Variants in ZC3H12C observed in about 807,000 individuals in gnomAD.
ZC3H12C encodes zinc finger CCCH-type containing 12C.
ZC3H12C carries 20 observed loss-of-function variants against 76.3 expected under a neutral mutation model. That is an observed-to-expected ratio of 0.26 (90% CI 0.18 to 0.38). ZC3H12C has a LOEUF of 0.38. Among genes scored for constraint, ZC3H12C ranks in the 10% least tolerant of loss-of-function variants. The pLI, the probability that ZC3H12C is intolerant of heterozygous loss-of-function variation, is 1.00. For synonymous variants in ZC3H12C, 352 were observed against 399.6 expected, an observed-to-expected ratio of 0.88 and a Z score of 1.42; for missense variants, 874 against 1,086.5, an observed-to-expected ratio of 0.80 and a Z score of 2.75.
chr11:110,122,051 T>G (rs1412988179), intron 1 of ZC3H12C, among the ~76,000 whole-genome samples: 1 of 152,240 alleles, frequency 6.6e-6, no homozygotes, highest in African/African-American at 2.4e-5. Context: ...AGTTTTTAAT[T>G]AGTTTCCTAA....
intron 1 of ZC3H12C, among the ~76,000 whole-genome samples, chr11:110,123,008 T>C (rs1283881081): frequency 6.6e-6 from 1 of 152,236 alleles, no homozygotes; most frequent in Non-Finnish European, 1.5e-5. Flanking sequence ...GTAGATTTTC[T>C]TATACTGCTC....
intron 1 of ZC3H12C, among the ~76,000 whole-genome samples, chr11:110,123,558 G>A (rs647285): frequency 0.71 from 107,767 of 152,062 alleles, 38,490 homozygotes; most frequent in East Asian, 0.89. Flanking sequence ...TGATGACATA[G>A]GACGGAAAGA....
At chr11:110,154,812 C>A (rs1018295753) in intron 3 of ZC3H12C, among the ~76,000 whole-genome samples, 1 of 93,056 alleles carries the variant, frequency 1.1e-5, no homozygotes, top group Admixed American at 1.5e-4. Flanking sequence ...GCCCTTAATA[C>A]AAAGAGCTCA....
chr11:110,128,582 ACTGT>A (rs1489341658), intron 1 of ZC3H12C, among the ~76,000 whole-genome samples: 1 of 152,156 alleles, frequency 6.6e-6, no homozygotes, highest in Admixed American at 6.6e-5. Context: ...AAAAAAGAAG[ACTGT>A]CTATTCATAC....
rs1215218047 is a variant in ZC3H12C at position 110,168,359 on chromosome 11, T to TAGAA, written c.*2623_*2626dup. 2.0e-5 allele frequency: 3 copies of TAGAA among 152,152 alleles called. No homozygotes were observed. In the East Asian group the frequency reaches 5.8e-4, roughly 29 times the overall value. 9.4% of individuals were successfully genotyped at this position (152,152 alleles called of 1,614,324 possible). A position where few individuals can be genotyped will look rare whatever the true frequency, so the allele number is the denominator to read the frequency against. On this transcript the variant is annotated 3_prime_UTR_variant, in exon 6 of 6. Transcript: ENST00000278590. ...AGCACCGATGTTGCGTTCAGAGCTG[T>TAGAA]AGAATGAGATAATTGGCAGACTTTA...
chr11:110,119,922 T>C (rs1490142791), intron 1 of ZC3H12C, among the ~76,000 whole-genome samples: 1 of 152,228 alleles, frequency 6.6e-6, no homozygotes, highest in East Asian at 1.9e-4. Context: ...GTTTCCAATA[T>C]ATGAATTTTG....
chr11:110,093,850 T>C (rs1861062371), intron 1 of ZC3H12C, among the ~76,000 whole-genome samples: 2 of 151,916 alleles, frequency 1.3e-5, no homozygotes, highest in Non-Finnish European at 2.9e-5. Flanking sequence ...CGCGCGCTCG[T>C]GGGGCGAGAC....
In ZC3H12C at chr11:110,171,253, T is replaced by C. The variant is rs1278548371; in HGVS notation, c.*5516T>C. On this transcript the variant is annotated 3_prime_UTR_variant, in exon 6 of 6. Coordinates refer to ENST00000278590, the MANE Select transcript of ZC3H12C (RefSeq NM_033390.2). ...CAGTTTTTTTGAAATTAGAAATTTC[T>C]TACCTTATGTGAAATATTCACAAAC... 1.3e-5 allele frequency: 2 copies of C among 152,252 alleles called. No homozygotes were observed. Among genetic ancestry groups the C allele is most frequent in the African/African-American group, 4.8e-5 (2 of 41,466 alleles). 9.4% of individuals were successfully genotyped at this position (152,252 alleles called of 1,614,324 possible). A position where few individuals can be genotyped will look rare whatever the true frequency, so the allele number is the denominator to read the frequency against.
chr11:110,134,644 T>A (rs1263973719), intron 1 of ZC3H12C, among the ~76,000 whole-genome samples: 1 of 152,180 alleles, frequency 6.6e-6, no homozygotes, highest in Non-Finnish European at 1.5e-5. Flanking sequence ...AAAATTGAAG[T>A]GGATACAACT....
intron 1 of ZC3H12C, among the ~76,000 whole-genome samples, chr11:110,123,107 C>T (rs548727062): frequency 8.0e-4 from 121 of 152,192 alleles, no homozygotes; most frequent in Non-Finnish European, 1.3e-3. Flanking sequence ...ATTTTCAGAC[C>T]ATAGTTGACT....
chr11:110,137,180 A>C lies in ZC3H12C; in HGVS notation c.539A>C (p.Gln180Pro). The C allele has an allele frequency of 6.2e-7, 1 of 1,613,924 alleles. No individual in the cohort carries two copies. Among genetic ancestry groups the C allele is most frequent in the African/African-American group, 1.3e-5 (1 of 75,066 alleles). ...TTAGGTTATTCTGAAGAACAGGTTC[A>C]GCTTGTACTAAACAAACTTGGTACT... is the stretch of plus-strand genomic sequence containing the variant. ...LKLGYSEEQVQLVLNKLGTDA... is the reference protein window; with the variant it reads ...LKLGYSEEQVPLVLNKLGTDA... Residue 180 changes from glutamine (Q) to proline (P), a missense_variant, in exon 2 of 6, where the codon CAG becomes CCG. Gln to Pro is a moderately conservative substitution (Grantham distance 76, BLOSUM62 -1). Transcript: ENST00000278590.
At chr11:110,118,041 T>TATATACACACATATATTATATATACAC (rs1565252553) in intron 1 of ZC3H12C, among the ~76,000 whole-genome samples, 1 of 79,950 alleles carries the variant, frequency 1.3e-5, no homozygotes, top group African/African-American at 4.5e-5. Flanking sequence ...TATATATATA[T>TATATACACACATATATTATATATACAC]ACACATATAT....
chr11:110,112,136 G>A (rs777152972), intron 1 of ZC3H12C, among the ~76,000 whole-genome samples: 39 of 152,180 alleles, frequency 2.6e-4, no homozygotes, highest in Non-Finnish European at 5.0e-4. Context: ...CTTCACATAT[G>A]TAGATGTTTA....
At chr11:110,143,144 C>T (rs1862096695) in intron 2 of ZC3H12C, among the ~76,000 whole-genome samples, 1 of 152,044 alleles carries the variant, frequency 6.6e-6, no homozygotes, top group Non-Finnish European at 1.5e-5. Flanking sequence ...CTCCAGATCC[C>T]CATGAGATGA....
chr11:110,142,259 A>G lies in ZC3H12C; in HGVS notation c.773+4845A>G, dbSNP rs540709476. ...ATTCTAGTTGTCATCAATGTCATGT[A>G]CTTTAATAGACCAGTCAGCAAACTT... On this transcript the variant is annotated intron_variant, in intron 2 of 5. Coordinates refer to ENST00000278590, the MANE Select transcript of ZC3H12C (RefSeq NM_033390.2). Among the ~76,000 whole-genome samples, 13 of 152,314 alleles carry G rather than the reference A, an allele frequency of 8.5e-5. No homozygotes were observed. The South Asian group carries it at 2.3e-3, about 27-fold the overall frequency.
chr11:110,148,315 C>A (rs140481650), intron 2 of ZC3H12C, among the ~76,000 whole-genome samples: 3 of 152,018 alleles, frequency 2.0e-5, no homozygotes, highest in Admixed American at 2.0e-4. Flanking sequence ...ATGCTTATGC[C>A]AAATGTGAGA....
At position 110,165,463 on chromosome 11, in the gene ZC3H12C, A is replaced by G; in HGVS notation, c.2378A>G (p.Tyr793Cys). The change falls in exon 6 of 6, where the codon TAT becomes TGT. Residue 793 changes from tyrosine (Y) to cysteine (C), a missense_variant. Coordinates refer to ENST00000278590, the MANE Select transcript of ZC3H12C (RefSeq NM_033390.2). ...GIDAYGYRQT[Y>C]SLPDNSTQPC... Reference sequence around the variant, plus strand: ...GACGCCTATGGGTACCGGCAGACTTATTCCTTGCCCGATAACTCCACACAG... The same window carrying G: ...GACGCCTATGGGTACCGGCAGACTTGTTCCTTGCCCGATAACTCCACACAG... The G allele has an allele frequency of 6.2e-7, 1 of 1,614,028 alleles. No individual in the cohort carries two copies. Among genetic ancestry groups the G allele is most frequent in the South Asian group, 1.1e-5 (1 of 91,084 alleles).
chr11:110,164,013 T>C lies in ZC3H12C; in HGVS notation c.1256-328T>C, dbSNP rs1402063692. Among the ~76,000 whole-genome samples the C allele has an allele frequency of 6.6e-6, 1 of 151,818 alleles. No individual in the cohort carries two copies. The highest frequency in any genetic ancestry group is 1.5e-5 in the Non-Finnish European group (1 of 67,992). ...TACTCAGATGGCCGAGGCATAAGAATTGCTTGAACCCGAGAGGCAGAGGTT... is the reference window on the plus strand; with the variant it reads ...TACTCAGATGGCCGAGGCATAAGAACTGCTTGAACCCGAGAGGCAGAGGTT... On this transcript the variant is annotated intron_variant, in intron 5 of 5. Transcript: ENST00000278590. The surrounding 1 kb of genome is among the most constrained non-coding windows in gnomAD (Gnocchi z 5.7).
chr11:110,152,296 T>C (rs1036045485), intron 2 of ZC3H12C, among the ~76,000 whole-genome samples: 8 of 152,236 alleles, frequency 5.3e-5, no homozygotes, highest in African/African-American at 1.9e-4. Context: ...CAACACGATA[T>C]AGTTGAACAG....
Sources: allele counts gnomAD v4.1 joint callset (sites outside exome capture counted in the v4.1 genomes callset), GRCh38; gene constraint gnomAD v4.1.1; non-coding constraint Gnocchi (gnomAD v3.1); transcripts MANE v1.5; gene names NCBI Gene and HGNC (gene_info 2026-07-23, HGNC 2026-07-21).